RELN: variants seen among roughly 807,000 people sequenced by gnomAD.
RELN encodes reelin.
RELN carries 108 observed loss-of-function variants against 427.6 expected under a neutral mutation model. That is an observed-to-expected ratio of 0.25 (90% CI 0.22 to 0.30). The LOEUF is 0.30. Ranked by LOEUF, RELN falls within the 10% of genes least tolerant of loss-of-function variation. RELN has a pLI of 1.00. For synonymous variants in RELN, 1,524 were observed against 1,513.4 expected (o/e 1.01, Z -0.16); for missense variants, 3,715 against 4,302.8 (o/e 0.86, Z 3.82).
chr7:103,972,284 G>GT (rs1460648331), intron 1 of RELN, among the ~76,000 whole-genome samples: 2 of 152,168 alleles, frequency 1.3e-5, no homozygotes, highest in Non-Finnish European at 2.9e-5. Flanking sequence ...GGTAGGTATA[G>GT]TTTGATTCCA....
intron 64 of RELN, among the ~76,000 whole-genome samples, chr7:103,477,816 T>C (rs192528453): frequency 1.3e-5 from 2 of 152,280 alleles, no homozygotes; most frequent in Admixed American, 6.5e-5. Context: ...TACAAGAATA[T>C]ATTAAAAGTG....
At chr7:103,810,684 A>AT (rs973770320) in intron 3 of RELN, among the ~76,000 whole-genome samples, 2 of 151,984 alleles carry the variant, frequency 1.3e-5, no homozygotes, top group Non-Finnish European at 2.9e-5. Flanking sequence ...AAAACAAAAA[A>AT]CCTTGCCTCT....
intron 19 of RELN, among the ~76,000 whole-genome samples, chr7:103,634,569 A>G (rs948836583): frequency 2.0e-5 from 3 of 152,154 alleles, no homozygotes; most frequent in African/African-American, 4.8e-5. Context: ...TGAAATCTAT[A>G]TACTAAAGAA....
intron 3 of RELN, among the ~76,000 whole-genome samples, chr7:103,827,545 T>C (rs1309239813): frequency 1.3e-5 from 2 of 152,032 alleles, no homozygotes; most frequent in African/African-American, 2.4e-5. Flanking sequence ...CATTTGACCA[T>C]TTGCTGAAGT....
chr7:103,594,423 C>T lies in RELN; in HGVS notation c.3609G>A (p.Val1203=). 1 of 1,614,014 alleles carries T rather than the reference C, an allele frequency of 6.2e-7. No individual in the cohort carries two copies. The highest frequency in any genetic ancestry group is 8.5e-7 in the Non-Finnish European group (1 of 1,179,930). ...ACTGGTCATAGTCCTCCCCTGAGAA[C>T]ACGGGCTGCCACCAGCGGAACCTGG... ...PCTRFRWWQP[V]FSGEDYDQWA... is the part of the protein sequence containing the mutation. Residue 1203 remains valine (V), a synonymous_variant, in exon 26 of 65, where the codon GTG becomes GTA. Coordinates refer to ENST00000428762, the MANE Select transcript of RELN (RefSeq NM_005045.4).
chr7:103,879,882 T>C (rs990331230), intron 2 of RELN, among the ~76,000 whole-genome samples: 11 of 152,190 alleles, frequency 7.2e-5, no homozygotes, highest in African/African-American at 2.7e-4. Flanking sequence ...TGCACATGTA[T>C]AATCATGCAG....
intron 10 of RELN, among the ~76,000 whole-genome samples, chr7:103,684,123 C>T (rs1286426282): frequency 6.6e-6 from 1 of 152,186 alleles, no homozygotes; most frequent in South Asian, 2.1e-4. Context: ...TTGAGAGCAA[C>T]GGGTGTACTG....
intron 1 of RELN, among the ~76,000 whole-genome samples, chr7:103,956,973 T>C (rs746533646): frequency 1.4e-4 from 21 of 152,148 alleles, no homozygotes; most frequent in Non-Finnish European, 2.6e-4. Flanking sequence ...ACTTCATATA[T>C]GGAACTGGAA....
At chr7:103,566,145 A>G (rs1830745427) in intron 33 of RELN, 79 bp downstream of exon 33, 1 of 1,301,566 alleles carries the variant, frequency 7.7e-7, no homozygotes. Context: ...TTTGCATTAG[A>G]AAGTTTTCTC....
chr7:103,708,435 T>G (rs1354314356), intron 8 of RELN, among the ~76,000 whole-genome samples: 5 of 148,898 alleles, frequency 3.4e-5, no homozygotes, highest in Middle Eastern at 3.3e-3. Flanking sequence ...AGGGCTGTTG[T>G]GGTCACCCAA....
Position 103,515,210 on chromosome 7 carries a change from G to A in RELN, c.8094C>T (p.Asp2698=). ...DAGPVGRIAF[D]MFMEDKTSVN... Reference sequence around the variant, plus strand: ...CTGAAGTTTTGTCTTCCATAAACATGTCAAAGGCGATCCTCCCGACAGGGC... The same window carrying A: ...CTGAAGTTTTGTCTTCCATAAACATATCAAAGGCGATCCTCCCGACAGGGC... Residue 2698 remains aspartate (D), a synonymous_variant, in exon 50 of 65, where the codon GAC becomes GAT. Coordinates refer to ENST00000428762, the MANE Select transcript of RELN (RefSeq NM_005045.4). The A allele has an allele frequency of 6.2e-7, 1 of 1,614,186 alleles. No individual in the cohort carries two copies. The highest frequency in any genetic ancestry group is 1.1e-5 in the South Asian group (1 of 91,078).
intron 45 of RELN, among the ~76,000 whole-genome samples, chr7:103,538,277 A>G (rs903581407): frequency 6.6e-6 from 1 of 152,196 alleles, no homozygotes; most frequent in African/African-American, 2.4e-5. Context: ...CCAGAATCTA[A>G]AACTGAACGG....
At chr7:103,751,256 GGT>G (rs1380524622) in intron 5 of RELN, among the ~76,000 whole-genome samples, 2 of 152,116 alleles carry the variant, frequency 1.3e-5, no homozygotes, top group African/African-American at 4.8e-5. Flanking sequence ...TTCTTTTAAA[GGT>G]GATATTTTTA....
At position 103,501,703 on chromosome 7, in the gene RELN, G is replaced by A. The variant is rs1049173795; in HGVS notation, c.8490-781C>T. Among the ~76,000 whole-genome samples, 10 of 152,276 alleles carry A rather than the reference G, an allele frequency of 6.6e-5. No homozygotes were observed. The South Asian group carries it at 1.9e-3, about 28-fold the overall frequency. ...TTAAGATGTATGTATTTTACTGAAT[G>A]TAAATTATACCTCATTATTACAAAA... On this transcript the variant is annotated intron_variant, in intron 52 of 64. Transcript: ENST00000428762.
Position 103,503,239 on chromosome 7 carries a change from CAG to C in RELN, c.8275-11_8275-10del. The C allele has an allele frequency of 6.2e-7, 1 of 1,611,928 alleles. No individual in the cohort carries two copies. The highest frequency in any genetic ancestry group is 1.1e-5 in the South Asian group (1 of 91,030). ...TTACATCCAACTGAGATCTAATAAACAGAAAAACAAGATCAAGGTATTAAAAC... is the reference window on the plus strand; with the variant it reads ...TTACATCCAACTGAGATCTAATAAACAAAAACAAGATCAAGGTATTAAAAC... On this transcript the variant is annotated splice_polypyrimidine_tract_variant and intron_variant, in intron 51 of 64. Transcript: ENST00000428762.
chr7:103,891,177 GTCA>G (rs1794841539), intron 2 of RELN, among the ~76,000 whole-genome samples: 1 of 152,148 alleles, frequency 6.6e-6, no homozygotes, highest in African/African-American at 2.4e-5. Flanking sequence ...ATCTAGCTGG[GTCA>G]TCATTTTCTC....
chr7:103,603,166 T>A lies in RELN; in HGVS notation c.3333+138A>T. ...AATTTCCCAAGACATAGCTAAGGAA[T>A]AGGAATTTGATAGAGCCCACTCAAA... On this transcript the variant is annotated intron_variant, in intron 24 of 64. Coordinates refer to ENST00000428762, the MANE Select transcript of RELN (RefSeq NM_005045.4). This position sits in a 1 kb window ranked among gnomAD's most constrained non-coding sequence, Gnocchi z 4.3. 1 of 758,412 alleles carries A rather than the reference T, an allele frequency of 1.3e-6. No homozygotes were observed. Among genetic ancestry groups the A allele is most frequent in the South Asian group, 1.4e-5 (1 of 69,704 alleles). 47.0% of individuals were successfully genotyped at this position (758,412 alleles called of 1,614,324 possible).
At chr7:103,808,972 A>G (rs1792668489) in intron 3 of RELN, among the ~76,000 whole-genome samples, 1 of 152,210 alleles carries the variant, frequency 6.6e-6, no homozygotes, top group African/African-American at 2.4e-5. Flanking sequence ...TAAAAACAGA[A>G]TCATAAAATG....
At chr7:103,500,619 T>G in intron 53 of RELN, 126 bp downstream of exon 53, 2 of 868,002 alleles carry the variant, frequency 2.3e-6, no homozygotes, top group Non-Finnish European at 3.6e-6. Context: ...AAAGTTTCTA[T>G]TCAAAGGATT....
Sources: allele counts gnomAD v4.1 joint callset (sites outside exome capture counted in the v4.1 genomes callset), GRCh38; gene constraint gnomAD v4.1.1; non-coding constraint Gnocchi (gnomAD v3.1); transcripts MANE v1.5; gene names NCBI Gene and HGNC (gene_info 2026-07-23, HGNC 2026-07-21).